Variants in BEAN1 observed in about 807,000 individuals in gnomAD.
BEAN1 encodes protein BEAN1.
In BEAN1, 17 loss-of-function variants were observed where a neutral mutation model predicts 17.7. That is an observed-to-expected ratio of 0.96 (90% CI 0.66 to 1.44). The LOEUF (loss-of-function observed/expected upper bound fraction) is 1.44, where lower values mean the gene tolerates loss of function less well. BEAN1 is among the 40% of genes most tolerant of loss of function. BEAN1 has a pLI of 0.00. For synonymous variants in BEAN1, 142 were observed against 151.8 expected (o/e 0.94, Z 0.47); for missense variants, 359 against 374.1 (o/e 0.96, Z 0.33).
At chr16:66,430,085 C>G (rs1243361292) in intron 1 of BEAN1, among the ~76,000 whole-genome samples, 1 of 152,132 alleles carries the variant, frequency 6.6e-6, no homozygotes, top group African/African-American at 2.4e-5. Context: ...GGAGCTGGAC[C>G]GCCTGGGTTT....
chr16:66,428,111 G>C (rs1961651397), intron 1 of BEAN1: 1 of 152,294 alleles, frequency 6.6e-6, no homozygotes, highest in Non-Finnish European at 1.5e-5. Flanking sequence ...GAGGCGAGGC[G>C]GCAGGCAGCT....
chr16:66,467,752 T>C (rs1322724551), intron 2 of BEAN1, among the ~76,000 whole-genome samples: 1 of 152,198 alleles, frequency 6.6e-6, no homozygotes, highest in Non-Finnish European at 1.5e-5. Flanking sequence ...GGGGAGCGTC[T>C]TACAGTGAAC....
exon 5 of BEAN1, chr16:66,493,231 G>C: frequency 2.8e-6 from 2 of 703,040 alleles, no homozygotes; most frequent in South Asian, 3.0e-5. Flanking sequence ...ACAGCTCAGA[G>C]AAAAGGCTGG....
At chr16:66,474,617 G>A (rs867680967) in intron 3 of BEAN1, among the ~76,000 whole-genome samples, 21 of 18,492 alleles carry the variant, frequency 1.1e-3, no homozygotes, top group South Asian at 7.6e-3. Flanking sequence ...AGGGAGGGAG[G>A]AAGGGAGGGA....
chr16:66,469,475 G>A (rs544612368), intron 2 of BEAN1, 127 bp from the exon 3 acceptor site: 161 of 1,189,318 alleles, frequency 1.4e-4, no homozygotes, highest in Middle Eastern at 9.1e-4. Context: ...GATAGAGTCC[G>A]TGGGCCTGAG....
intron 4 of BEAN1, among the ~76,000 whole-genome samples, chr16:66,479,693 C>T (rs940569725): frequency 9.9e-5 from 15 of 152,220 alleles, no homozygotes; most frequent in African/African-American, 2.6e-4. Context: ...GGGATCAAGA[C>T]GGGTTCCTCT....
chr16:66,466,867 C>G (rs950182610), intron 2 of BEAN1, among the ~76,000 whole-genome samples: 2 of 152,242 alleles, frequency 1.3e-5, no homozygotes, highest in Non-Finnish European at 2.9e-5. Flanking sequence ...CTGCGCCCAG[C>G]CTGCATCTCA....
chr16:66,440,855 A>T (rs1482461568), intron 2 of BEAN1, among the ~76,000 whole-genome samples: 2 of 152,008 alleles, frequency 1.3e-5, no homozygotes, highest in Admixed American at 1.3e-4. Context: ...GCTTTGCTTG[A>T]TTTTGCTGTA....
chr16:66,438,089 A>C, intron 2 of BEAN1: 1 of 304,436 alleles, frequency 3.3e-6, no homozygotes, highest in Non-Finnish European at 6.3e-6. Flanking sequence ...TGAGCTTTTA[A>C]TATGGTGATG....
chr16:66,477,555 T>G lies in BEAN1; in HGVS notation c.290-5T>G. On this transcript the variant is annotated splice_region_variant and splice_polypyrimidine_tract_variant and intron_variant, in intron 3 of 4. Transcript: ENST00000536005. ...AGGCCCAGGCCGGTGGTCTGTTCCC[T>G]GCAGTGTCGGACGAGCACACATACA... is the stretch of plus-strand genomic sequence containing the variant. The G allele has an allele frequency of 1.3e-6, 2 of 1,538,864 alleles. No homozygotes were observed. Among genetic ancestry groups the G allele is most frequent in the Non-Finnish European group, 1.8e-6 (2 of 1,142,802 alleles).
chr16:66,469,503 T>G, intron 2 of BEAN1, 99 bp from the exon 3 acceptor site: 1 of 1,350,598 alleles, frequency 7.4e-7, no homozygotes, highest in Non-Finnish European at 1.0e-6. Flanking sequence ...CCTCCTCCAT[T>G]TATTTAGGGA....
chr16:66,461,320 C>A (rs142178725), intron 2 of BEAN1, among the ~76,000 whole-genome samples: 265 of 152,250 alleles, frequency 1.7e-3, no homozygotes, highest in African/African-American at 6.0e-3. Context: ...CTACCTCTGC[C>A]GGTTGTGGTG....
chr16:66,467,795 G>A (rs1963308774), intron 2 of BEAN1, among the ~76,000 whole-genome samples: 1 of 152,200 alleles, frequency 6.6e-6, no homozygotes, highest in Non-Finnish European at 1.5e-5. Flanking sequence ...AGAGTGAGAT[G>A]ACACACTGGC....
intron 2 of BEAN1, among the ~76,000 whole-genome samples, chr16:66,466,984 G>C (rs1963280605): frequency 6.6e-6 from 1 of 152,142 alleles, no homozygotes; most frequent in Non-Finnish European, 1.5e-5. Context: ...TGGAAGTGTA[G>C]TCTTGGAGAG....
rs73596605 is a variant in BEAN1 at position 66,473,511 on chromosome 16, C to T, written c.289+3646C>T. On this transcript the variant is annotated intron_variant, in intron 3 of 4. Transcript: ENST00000536005. The surrounding 1 kb of genome is among the most constrained non-coding windows in gnomAD (Gnocchi z 4.5). ...GGGAGGGTGCCAGGGAAGAGGGAAACGCACTGTGAGCAGCTGTGGGAGAAC... is the reference window on the plus strand; with the variant it reads ...GGGAGGGTGCCAGGGAAGAGGGAAATGCACTGTGAGCAGCTGTGGGAGAAC... Among the ~76,000 whole-genome samples, 4,855 of 152,072 alleles carry T rather than the reference C, an allele frequency of 0.032. 266 individuals carry two copies. The highest frequency in any genetic ancestry group is 0.11 in the African/African-American group (4,634 of 41,458).
intron 2 of BEAN1, among the ~76,000 whole-genome samples, chr16:66,463,133 A>T (rs1963144335): frequency 6.6e-6 from 1 of 152,158 alleles, no homozygotes; most frequent in African/African-American, 2.4e-5. Flanking sequence ...GTGTGGACTT[A>T]TGTTTCCATT....
At chr16:66,490,402 A>AAAT (rs1233682805) in intron 4 of BEAN1, among the ~76,000 whole-genome samples, 1 of 103,690 alleles carries the variant, frequency 9.6e-6, no homozygotes, top group Non-Finnish European at 1.8e-5. Flanking sequence ...GTTTCAATAA[A>AAAT]ATAAAATAAA....
chr16:66,491,056 T>TC (rs1964170195), intron 4 of BEAN1, among the ~76,000 whole-genome samples: 1 of 152,186 alleles, frequency 6.6e-6, no homozygotes, highest in East Asian at 1.9e-4. Flanking sequence ...CAGGTCCCAA[T>TC]CCCCAGGCCC....
Position 66,489,182 on chromosome 16 carries a change from C to A in BEAN1, c.148-3780C>A, listed in dbSNP as rs4783548. Among the ~76,000 whole-genome samples the A allele has an allele frequency of 0.014, 2,078 of 148,398 alleles. 109 individuals are homozygous for A. In the East Asian group the frequency reaches 0.16, roughly 11 times the overall value. ...AGCGAAACTCCATCTCAAAAAAAAA[C>A]AAAAAAAAAAGTATAAGTTAATAAA... On this transcript the variant is annotated intron_variant, in intron 4 of 4. Transcript: ENST00000561796.
Sources: allele counts gnomAD v4.1 joint callset (sites outside exome capture counted in the v4.1 genomes callset), GRCh38; gene constraint gnomAD v4.1.1; non-coding constraint Gnocchi (gnomAD v3.1); transcripts MANE v1.5; gene names NCBI Gene and HGNC (gene_info 2026-07-23, HGNC 2026-07-21).